The following ADAMTS18 variants were observed in gnomAD, a reference collection of about 807,000 sequenced individuals.
ADAMTS18 encodes the protein A disintegrin and metalloproteinase with thrombospondin motifs 18.
A neutral mutation model predicts 165.9 loss-of-function variants in ADAMTS18; 157 were observed. The observed-to-expected ratio is 0.95, with a 90% CI of 0.83 to 1.08. The LOEUF is 1.08. ADAMTS18 is among the 50% of genes least tolerant of loss of function. The pLI is 0.00. For synonymous variants in ADAMTS18, 782 were observed against 578.2 expected (o/e 1.35, Z -5.06); for missense variants, 2,040 against 1,534.0 (o/e 1.33, Z -5.51).
intron 16 of ADAMTS18, among the ~76,000 whole-genome samples, chr16:77,302,369 C>T (rs1457832509): frequency 6.6e-6 from 1 of 151,974 alleles, no homozygotes; most frequent in African/African-American, 2.4e-5. Flanking sequence ...AATGCAGAGA[C>T]CTTGTACCAC....
intron 3 of ADAMTS18, among the ~76,000 whole-genome samples, chr16:77,393,524 G>A (rs958739889): frequency 3.9e-5 from 6 of 152,118 alleles, no homozygotes; most frequent in African/African-American, 1.2e-4. Flanking sequence ...AGGATCTCCT[G>A]GGAAGTGATT....
chr16:77,284,124 T>C (rs1245755233), intron 22 of ADAMTS18, 53 bp from the exon 23 acceptor site: 4 of 238,972 alleles, frequency 1.7e-5, no homozygotes, highest in Non-Finnish European at 2.7e-5. Context: ...ATCCTTTTTC[T>C]TTTTTTTTTT....
At chr16:77,321,279 G>A in intron 14 of ADAMTS18, 77 bp from the exon 15 acceptor site, 1 of 1,575,172 alleles carries the variant, frequency 6.3e-7, no homozygotes, top group Non-Finnish European at 8.7e-7. Flanking sequence ...GAGGTATATG[G>A]TTCTCTGTAT....
intron 3 of ADAMTS18, among the ~76,000 whole-genome samples, chr16:77,391,588 T>C (rs1044085939): frequency 6.6e-6 from 1 of 151,812 alleles, no homozygotes; most frequent in South Asian, 2.1e-4. Flanking sequence ...AGAGTACCAA[T>C]GGCCAGGAAG....
Position 77,291,261 on chromosome 16 carries a change from C to A in ADAMTS18, c.3402+5G>T. 6.2e-7 allele frequency: 1 copy of A among 1,613,862 alleles called. No homozygotes were observed. The highest frequency in any genetic ancestry group is 8.5e-7 in the Non-Finnish European group (1 of 1,179,998). On this transcript the variant is annotated splice_donor_5th_base_variant and intron_variant, in intron 21 of 22. Transcript: ENST00000282849. ...TAGACACCTCCTCAATCGGCCTGTA[C>A]CCACCTGCTGCCACGGCAATGAATA...
chr16:77,376,073 T>C (rs904690580), intron 3 of ADAMTS18, among the ~76,000 whole-genome samples: 10 of 152,002 alleles, frequency 6.6e-5, no homozygotes, highest in African/African-American at 2.2e-4. Context: ...CCGGCTAATT[T>C]TGTATTTTTA....
chr16:77,426,118 C>T (rs989875627), intron 3 of ADAMTS18, among the ~76,000 whole-genome samples: 1 of 152,050 alleles, frequency 6.6e-6, no homozygotes, highest in Admixed American at 6.5e-5. Flanking sequence ...CCTCTTGGCA[C>T]TTCACAATGC....
At chr16:77,424,231 G>T (rs893591060) in intron 3 of ADAMTS18, among the ~76,000 whole-genome samples, 1 of 152,288 alleles carries the variant, frequency 6.6e-6, no homozygotes. Context: ...CACTTTGGGA[G>T]GCCAAGGCAG....
In ADAMTS18 at chr16:77,356,041, G is replaced by A. The variant is rs745679136; in HGVS notation, c.1359C>T (p.Cys453=). ...ACATGATATTGCCTTCAGCCTTTCT[G>A]CAGGGATTCCCTTCTCCATCGTGAA... ...GMIHDGEGNP[C]RKAEGNIMSP... is the part of the protein sequence containing the mutation. Residue 453 remains cysteine, a synonymous_variant, in exon 9 of 23, where the codon TGC becomes TGT. Transcript: ENST00000282849. The A allele has an allele frequency of 1.2e-6, 2 of 1,614,044 alleles. No homozygotes were observed. Among genetic ancestry groups the A allele is most frequent in the Admixed American group, 3.3e-5 (2 of 60,016 alleles).
chr16:77,283,171 A>G lies in ADAMTS18; in HGVS notation c.*785T>C, dbSNP rs1344046875. 1 of 152,606 alleles carries G rather than the reference A, an allele frequency of 6.6e-6. No homozygotes were observed. Among genetic ancestry groups the G allele is most frequent in the Non-Finnish European group, 1.5e-5 (1 of 68,038 alleles). The allele number at this position is 152,606 out of a possible 1,614,324, so 9.5% of individuals were successfully genotyped here. A position where few individuals can be genotyped will look rare whatever the true frequency, so the allele number is the denominator to read the frequency against. Reference sequence around the variant, plus strand: ...TAGCTTTTCATGGACTGATTCAGCAAGCACCAAAAGTTACGAGGTTGATAA... The same window carrying G: ...TAGCTTTTCATGGACTGATTCAGCAGGCACCAAAAGTTACGAGGTTGATAA... On this transcript the variant is annotated 3_prime_UTR_variant, in exon 23 of 23. Coordinates refer to ENST00000282849, the MANE Select transcript of ADAMTS18 (RefSeq NM_199355.4).
At chr16:77,410,071 A>G (rs1476253210) in intron 3 of ADAMTS18, among the ~76,000 whole-genome samples, 2 of 152,148 alleles carry the variant, frequency 1.3e-5, no homozygotes, top group Non-Finnish European at 2.9e-5. Context: ...ACTAAAAGCC[A>G]TGGCTAAGAA....
At position 77,291,262 on chromosome 16, in the gene ADAMTS18, C is replaced by T; in HGVS notation, c.3402+4G>A. On this transcript the variant is annotated splice_donor_region_variant and intron_variant, in intron 21 of 22. Coordinates refer to ENST00000282849, the MANE Select transcript of ADAMTS18 (RefSeq NM_199355.4). ...AGACACCTCCTCAATCGGCCTGTAC[C>T]CACCTGCTGCCACGGCAATGAATAC... The T allele has an allele frequency of 6.2e-7, 1 of 1,613,854 alleles. No individual in the cohort carries two copies. Among genetic ancestry groups the T allele is most frequent in the Non-Finnish European group, 8.5e-7 (1 of 1,179,998 alleles).
chr16:77,359,452 T>C (rs908046541), intron 7 of ADAMTS18, 29 bp from the exon 8 acceptor site: 3 of 1,582,474 alleles, frequency 1.9e-6, no homozygotes, highest in Non-Finnish European at 2.6e-6. Context: ...CAAATGTGAA[T>C]CCAAAGGTTG....
intron 3 of ADAMTS18, among the ~76,000 whole-genome samples, chr16:77,404,395 C>T (rs2057368987): frequency 6.6e-6 from 1 of 152,194 alleles, no homozygotes; most frequent in African/African-American, 2.4e-5. Flanking sequence ...ACCTCAATTC[C>T]ACTGTACTAT....
chr16:77,428,983 C>G (rs1364901153), intron 3 of ADAMTS18, among the ~76,000 whole-genome samples: 1 of 152,186 alleles, frequency 6.6e-6, no homozygotes, highest in African/African-American at 2.4e-5. Flanking sequence ...CAGCCCCAAA[C>G]TGCTGGTGGG....
intron 3 of ADAMTS18, among the ~76,000 whole-genome samples, chr16:77,418,713 T>C (rs2057561987): frequency 6.6e-6 from 1 of 152,194 alleles, no homozygotes; most frequent in Admixed American, 6.5e-5. Flanking sequence ...TTACAAGTCA[T>C]TGACAGGATA....
At chr16:77,403,872 C>T (rs1029685884) in intron 3 of ADAMTS18, among the ~76,000 whole-genome samples, 1 of 152,102 alleles carries the variant, frequency 6.6e-6, no homozygotes, top group Non-Finnish European at 1.5e-5. Flanking sequence ...AAGTACAAAA[C>T]AAAGGGACTT....
At chr16:77,364,823 A>G (rs1327460357) in intron 4 of ADAMTS18, among the ~76,000 whole-genome samples, 7 of 152,054 alleles carry the variant, frequency 4.6e-5, no homozygotes, top group African/African-American at 1.7e-4. Flanking sequence ...AAAGAGCTCT[A>G]GGCCAGGCGT....
intron 2 of ADAMTS18, 142 bp downstream of exon 2, chr16:77,434,276 C>G (rs1415624369): frequency 8.1e-6 from 8 of 987,078 alleles, no homozygotes; most frequent in Non-Finnish European, 1.2e-5. Context: ...ACCTTCCCCC[C>G]TCTCCAAACA....
Sources: allele counts gnomAD v4.1 joint callset (sites outside exome capture counted in the v4.1 genomes callset), GRCh38; gene constraint gnomAD v4.1.1; transcripts MANE v1.5; gene names NCBI Gene and HGNC (gene_info 2026-07-23, HGNC 2026-07-21).